Variants in SAMHD1 observed in about 807,000 individuals in gnomAD.
SAMHD1 encodes the protein SAM and HD domain containing deoxynucleoside triphosphate triphosphohydrolase 1.
SAMHD1 carries 54 observed loss-of-function variants against 79.6 expected under a neutral mutation model. The observed-to-expected ratio is 0.68, with a 90% CI of 0.55 to 0.85. The LOEUF (loss-of-function observed/expected upper bound fraction) is 0.85, where lower values mean the gene tolerates loss of function less well. Ranked by LOEUF, SAMHD1 falls within the 40% of genes least tolerant of loss-of-function variation. The pLI is 0.00. For missense variants in SAMHD1, 663 were observed against 782.7 expected (o/e 0.85, Z 1.82); for synonymous variants, 260 against 264.1 (o/e 0.98, Z 0.15).
chr20:36,906,162 G>A lies in SAMHD1; in HGVS notation c.1271-659C>T, dbSNP rs537937778. Reference sequence around the variant, plus strand: ...GTCTTTAAGAAAGAATGGTGGCTAGGCGCTGTGGCTCACACCTGTGATCCC... The same window carrying A: ...GTCTTTAAGAAAGAATGGTGGCTAGACGCTGTGGCTCACACCTGTGATCCC... On this transcript the variant is annotated intron_variant, in intron 11 of 15. Coordinates refer to ENST00000646673, the MANE Select transcript of SAMHD1 (RefSeq NM_015474.4). Among the ~76,000 whole-genome samples the A allele has an allele frequency of 1.9e-3, 287 of 152,296 alleles. 1 individual carries two copies. Among genetic ancestry groups the A allele is most frequent in the African/African-American group, 6.4e-3 (267 of 41,552 alleles).
At chr20:36,901,228 G>C (rs753430300) in intron 13 of SAMHD1, among the ~76,000 whole-genome samples, 1 of 151,868 alleles carries the variant, frequency 6.6e-6, no homozygotes, top group Non-Finnish European at 1.5e-5. Flanking sequence ...GCAGTGGTGC[G>C]ATCTCAGCTC....
chr20:36,934,288 G>C (rs1164445388), intron 4 of SAMHD1, among the ~76,000 whole-genome samples: 2 of 151,600 alleles, frequency 1.3e-5, no homozygotes, highest in African/African-American at 4.8e-5. Context: ...TACTTTGGGA[G>C]GCCGAGGCAG....
intron 9 of SAMHD1, among the ~76,000 whole-genome samples, chr20:36,912,878 T>C (rs764863248): frequency 3.0e-5 from 4 of 135,498 alleles, no homozygotes; most frequent in Non-Finnish European, 6.2e-5. Context: ...CCCAGCTAAC[T>C]TTCATTCTTT....
intron 9 of SAMHD1, among the ~76,000 whole-genome samples, 199 bp from the exon 10 acceptor site, chr20:36,912,751 ATTTTTTTTTTT>A (rs66970329): frequency 5.6e-5 from 6 of 107,058 alleles, no homozygotes; most frequent in African/African-American, 1.7e-4. Context: ...TGCAACTTTC[ATTTTTTTTTTT>A]TTTTTTTTTT....
chr20:36,889,883 A>G (rs1990018237), downstream of SAMHD1: 1 of 152,338 alleles, frequency 6.6e-6, no homozygotes, highest in Admixed American at 6.6e-5. Context: ...ATTTTCATGT[A>G]TATCCTTCCA....
intron 13 of SAMHD1, among the ~76,000 whole-genome samples, chr20:36,903,067 G>A (rs2063384050): frequency 6.6e-6 from 1 of 152,066 alleles, no homozygotes; most frequent in Non-Finnish European, 1.5e-5. Flanking sequence ...AAGATAGAAG[G>A]CCACTGACAA....
intron 11 of SAMHD1, among the ~76,000 whole-genome samples, chr20:36,906,962 T>C (rs995160759): frequency 2.0e-5 from 3 of 151,288 alleles, no homozygotes; most frequent in Non-Finnish European, 4.4e-5. Flanking sequence ...CAGCTAATTT[T>C]TGTATTTTCA....
intron 11 of SAMHD1, among the ~76,000 whole-genome samples, chr20:36,908,555 T>C (rs916881073): frequency 1.2e-4 from 19 of 152,158 alleles, no homozygotes; most frequent in Non-Finnish European, 1.8e-4. Context: ...TATCTTTTGA[T>C]TGAATTTACT....
intron 5 of SAMHD1, among the ~76,000 whole-genome samples, chr20:36,928,172 G>C (rs1347195835): frequency 1.3e-5 from 2 of 151,086 alleles, no homozygotes; most frequent in Non-Finnish European, 3.0e-5. Flanking sequence ...GGATCACTTT[G>C]AGTCAGGAGT....
intron 7 of SAMHD1, among the ~76,000 whole-genome samples, chr20:36,918,801 C>CAAAAAAAA (rs60403097): frequency 2.4e-4 from 16 of 65,438 alleles, no homozygotes; most frequent in Non-Finnish European, 4.0e-4. Flanking sequence ...GACTCTATCT[C>CAAAAAAAA]AAAAAAAAAA....
chr20:36,923,250 T>C (rs1405572217), intron 6 of SAMHD1, among the ~76,000 whole-genome samples: 1 of 151,946 alleles, frequency 6.6e-6, no homozygotes, highest in Non-Finnish European at 1.5e-5. Context: ...CCGCCCACCT[T>C]GGCCTCCCAA....
Position 36,951,695 on chromosome 20 carries a change from C to G in SAMHD1, c.-52G>C. On this transcript the variant is annotated 5_prime_UTR_variant, in exon 1 of 16. Transcript: ENST00000646673. ...GTCAAGAACCTCGGCGCCGGACCCG[C>G]GCGCAGGCGCACTGACAGCAGGGCC... The G allele has an allele frequency of 6.2e-7, 1 of 1,608,928 alleles. No homozygotes were observed. Among genetic ancestry groups the G allele is most frequent in the Non-Finnish European group, 8.5e-7 (1 of 1,179,786 alleles).
Position 36,919,469 on chromosome 20 carries a change from T to C in SAMHD1, c.747A>G (p.Gly249=). The C allele has an allele frequency of 6.2e-7, 1 of 1,613,642 alleles. No homozygotes were observed. Among genetic ancestry groups the C allele is most frequent in the Middle Eastern group, 1.7e-4 (1 of 6,022 alleles). Residue 249 remains glycine, a synonymous_variant, in exon 7 of 16, where the codon GGA becomes GGG. Transcript: ENST00000646673. The part of the protein sequence containing the change: ...MMFEHLINSN[G]IKPVMEQYGL... ...CATATTGTTCCATGACAGGCTTAAT[T>C]CCATTAGAATTAATAAGGTGCTCAA...
chr20:36,911,211 T>A lies in SAMHD1; in HGVS notation c.1270+7A>T, dbSNP rs2148364885. The stretch of plus-strand genomic sequence containing the variant: ...ATGGACCATCTATGTTACCTGTTAC[T>A]TCTTACCTGTCAGCTTAGTATAGGC... On this transcript the variant is annotated splice_region_variant and intron_variant, in intron 11 of 15. Transcript: ENST00000646673. 1 of 1,583,342 alleles carries A rather than the reference T, an allele frequency of 6.3e-7. No individual in the cohort carries two copies. Among genetic ancestry groups the A allele is most frequent in the South Asian group, 1.1e-5 (1 of 90,534 alleles).
At chr20:36,937,376 G>T (rs2063611261) in intron 3 of SAMHD1, among the ~76,000 whole-genome samples, 1 of 151,850 alleles carries the variant, frequency 6.6e-6, no homozygotes, top group Non-Finnish European at 1.5e-5. Flanking sequence ...AATATAAATT[G>T]GATTACATAA....
At chr20:36,898,029 C>T in intron 14 of SAMHD1, 70 bp from the exon 15 acceptor site, 1 of 1,580,382 alleles carries the variant, frequency 6.3e-7, no homozygotes, top group Non-Finnish European at 8.7e-7. Context: ...GGTCCCTAGG[C>T]TCCTAACTAT....
At chr20:36,921,155 G>A (rs1393848057) in intron 6 of SAMHD1, among the ~76,000 whole-genome samples, 2 of 151,950 alleles carry the variant, frequency 1.3e-5, no homozygotes, top group East Asian at 3.9e-4. Context: ...AGCACTTTAG[G>A]AGGCGGAGGC....
At chr20:36,897,261 T>G (rs1990215443) in intron 15 of SAMHD1, among the ~76,000 whole-genome samples, 2 of 152,234 alleles carry the variant, frequency 1.3e-5, no homozygotes, top group Admixed American at 6.5e-5. Flanking sequence ...CATTCATTCA[T>G]TCATTCAATA....
intron 7 of SAMHD1, among the ~76,000 whole-genome samples, chr20:36,918,684 C>T (rs930051098): frequency 2.0e-5 from 3 of 151,322 alleles, no homozygotes; most frequent in South Asian, 2.1e-4. Context: ...CACCTGTAAT[C>T]CCAGCTACTC....
Sources: allele counts gnomAD v4.1 joint callset (sites outside exome capture counted in the v4.1 genomes callset), GRCh38; gene constraint gnomAD v4.1.1; transcripts MANE v1.5; gene names NCBI Gene and HGNC (gene_info 2026-07-23, HGNC 2026-07-21).